The following HIPK2 variants were observed in gnomAD, a reference collection of about 807,000 sequenced individuals.
HIPK2 encodes the protein homeodomain interacting protein kinase 2.
In HIPK2, 27 loss-of-function variants were observed where a neutral mutation model predicts 113.7. That is an observed-to-expected ratio of 0.24 (90% CI 0.17 to 0.33). The LOEUF (loss-of-function observed/expected upper bound fraction) is 0.33, where lower values mean the gene tolerates loss of function less well. Among genes scored for constraint, HIPK2 ranks in the 10% least tolerant of loss-of-function variants. The pLI, the probability that HIPK2 is intolerant of heterozygous loss-of-function variation, is 1.00. For synonymous variants in HIPK2, 631 were observed against 642.2 expected, an observed-to-expected ratio of 0.98 and a Z score of 0.26; for missense variants, 1,257 against 1,588.0, an observed-to-expected ratio of 0.79 and a Z score of 3.54.
chr7:139,652,818 T>C (rs2116481425), intron 2 of HIPK2, among the ~76,000 whole-genome samples: 1 of 152,032 alleles, frequency 6.6e-6, no homozygotes, highest in South Asian at 2.1e-4. Flanking sequence ...AAAACATCAT[T>C]AACGAAGGTA....
chr7:139,751,590 AGATGGATG>A (rs36202472), intron 1 of HIPK2, among the ~76,000 whole-genome samples: 16,649 of 145,992 alleles, frequency 0.11, 1,109 homozygotes, highest in Non-Finnish European at 0.16. Context: ...TTGGATGGAT[AGATGGATG>A]GATGGATGGA....
intron 7 of HIPK2, among the ~76,000 whole-genome samples, chr7:139,616,241 G>C (rs1800040363): frequency 6.6e-6 from 1 of 152,138 alleles, no homozygotes; most frequent in South Asian, 2.1e-4. Context: ...GTGACTTCCT[G>C]GTGCCTGGGA....
chr7:139,694,210 A>G (rs552570336), intron 2 of HIPK2, among the ~76,000 whole-genome samples: 3 of 152,342 alleles, frequency 2.0e-5, no homozygotes, highest in African/African-American at 7.2e-5. Flanking sequence ...CATGAAATAA[A>G]CGGATGAACT....
At chr7:139,774,702 A>C (rs1796710226) in intron 1 of HIPK2, among the ~76,000 whole-genome samples, 1 of 152,160 alleles carries the variant, frequency 6.6e-6, no homozygotes, top group Admixed American at 6.5e-5. Context: ...AATAACTTGG[A>C]ATTTAGGCTC....
At chr7:139,770,947 G>A (rs1166503385) in intron 1 of HIPK2, among the ~76,000 whole-genome samples, 1 of 152,040 alleles carries the variant, frequency 6.6e-6, no homozygotes, top group Non-Finnish European at 1.5e-5. Context: ...TTCTTTTTTG[G>A]CAATGATTTT....
intron 2 of HIPK2, among the ~76,000 whole-genome samples, chr7:139,639,508 C>T (rs1800930813): frequency 6.6e-6 from 1 of 152,140 alleles, no homozygotes; most frequent in African/African-American, 2.4e-5. Context: ...ACCGTCTAGC[C>T]AAGGTAGCAG....
chr7:139,599,206 A>ATC (rs144276228), intron 11 of HIPK2, among the ~76,000 whole-genome samples: 86 of 150,486 alleles, frequency 5.7e-4, no homozygotes, highest in East Asian at 1.9e-3. Flanking sequence ...TAGTCACACG[A>ATC]TCTCTCTCTC....
At position 139,561,953 on chromosome 7, in the gene HIPK2, G is replaced by A. The variant is rs1362311001; in HGVS notation, c.*10974C>T. 7.9e-5 allele frequency: 12 copies of A among 152,090 alleles called. No homozygotes were observed. The highest frequency in any genetic ancestry group is 5.9e-5 in the Non-Finnish European group (4 of 68,014). The allele number at this position is 152,090 out of a possible 1,614,324, so 9.4% of individuals were successfully genotyped here. On this transcript the variant is annotated 3_prime_UTR_variant, in exon 15 of 15. Transcript: ENST00000406875. ...CACGACGTCATGATGAAAAACACAAGCATTTTAGTAGCAAGGACTTGATCA... is the reference window on the plus strand; with the variant it reads ...CACGACGTCATGATGAAAAACACAAACATTTTAGTAGCAAGGACTTGATCA...
At chr7:139,692,089 A>G (rs1026803087) in intron 2 of HIPK2, among the ~76,000 whole-genome samples, 5 of 152,246 alleles carry the variant, frequency 3.3e-5, no homozygotes, top group African/African-American at 1.2e-4. Context: ...AGTAGACAGT[A>G]GATGGACAGC....
chr7:139,751,420 G>T (rs546284979), intron 1 of HIPK2, among the ~76,000 whole-genome samples: 1 of 152,188 alleles, frequency 6.6e-6, no homozygotes, highest in South Asian at 2.1e-4. Flanking sequence ...ATTGTTTGCT[G>T]TGCCTGGGAG....
intron 1 of HIPK2, among the ~76,000 whole-genome samples, chr7:139,740,199 G>A (rs956390742): frequency 6.6e-6 from 1 of 152,224 alleles, no homozygotes; most frequent in African/African-American, 2.4e-5. Flanking sequence ...CTGCAGAGAT[G>A]CTGCCCTTCT....
At chr7:139,652,767 G>A (rs967540449) in intron 2 of HIPK2, among the ~76,000 whole-genome samples, 4 of 152,116 alleles carry the variant, frequency 2.6e-5, no homozygotes, top group African/African-American at 9.7e-5. Context: ...AGGTACCACC[G>A]ACTTCAGAGT....
At chr7:139,669,149 T>C (rs1170211587) in intron 2 of HIPK2, among the ~76,000 whole-genome samples, 1 of 152,216 alleles carries the variant, frequency 6.6e-6, no homozygotes, top group Admixed American at 6.5e-5. Flanking sequence ...CTTATCATTC[T>C]GGATAGGGAG....
chr7:139,756,356 T>C (rs1263732189), intron 1 of HIPK2, among the ~76,000 whole-genome samples: 1 of 152,260 alleles, frequency 6.6e-6, no homozygotes, highest in African/African-American at 2.4e-5. Flanking sequence ...CTAAAAAGTA[T>C]ATGTATTTCA....
intron 1 of HIPK2, among the ~76,000 whole-genome samples, chr7:139,718,011 TGG>T (rs1481528240): frequency 6.6e-6 from 1 of 152,194 alleles, no homozygotes; most frequent in Non-Finnish European, 1.5e-5. Context: ...CCCAAAGTGC[TGG>T]GATTACAGAC....
intron 2 of HIPK2, among the ~76,000 whole-genome samples, chr7:139,644,285 CAG>C (rs752862341): frequency 6.6e-6 from 1 of 152,156 alleles, no homozygotes; most frequent in Non-Finnish European, 1.5e-5. Flanking sequence ...GGTGAAGAAA[CAG>C]AGCACTGTCA....
At chr7:139,730,262 T>C (rs1195819232) in intron 1 of HIPK2, among the ~76,000 whole-genome samples, 1 of 152,194 alleles carries the variant, frequency 6.6e-6, no homozygotes, top group Non-Finnish European at 1.5e-5. Flanking sequence ...CCTCAGGTTC[T>C]ACTTCAGAAA....
At chr7:139,583,218 C>A (rs1242395987) in intron 13 of HIPK2, among the ~76,000 whole-genome samples, 1 of 152,210 alleles carries the variant, frequency 6.6e-6, no homozygotes, top group East Asian at 1.9e-4. Context: ...TGAGTTTATT[C>A]AGAAGGTTAC....
At chr7:139,734,667 T>C (rs1795888674) in intron 1 of HIPK2, among the ~76,000 whole-genome samples, 1 of 152,250 alleles carries the variant, frequency 6.6e-6, no homozygotes. Context: ...GCACATTCTG[T>C]ACTCTCTTTA....
Sources: allele counts gnomAD v4.1 joint callset (sites outside exome capture counted in the v4.1 genomes callset), GRCh38; gene constraint gnomAD v4.1.1; transcripts MANE v1.5; gene names NCBI Gene and HGNC (gene_info 2026-07-23, HGNC 2026-07-21).